Variants in SOX6 observed in about 807,000 individuals in gnomAD.
The protein encoded by SOX6 is transcription factor SOX-6.
In SOX6, 11 loss-of-function variants were observed where a neutral mutation model predicts 97.8. The ratio of observed to expected loss-of-function variants is 0.11; its 90% CI spans 0.07 to 0.19. The LOEUF (loss-of-function observed/expected upper bound fraction) is 0.19. SOX6 is among the 10% of genes least tolerant of loss of function. The pLI, the probability that SOX6 is intolerant of heterozygous loss-of-function variation, is 1.00. For missense variants in SOX6, 810 were observed against 1,039.5 expected (o/e 0.78, Z 3.04); for synonymous variants, 360 against 371.4 (o/e 0.97, Z 0.35).
intron 4 of SOX6, among the ~76,000 whole-genome samples, chr11:16,215,727 G>A (rs150751261): frequency 3.6e-3 from 546 of 152,116 alleles, no homozygotes; most frequent in Non-Finnish European, 5.5e-3. Flanking sequence ...AAATTTACAG[G>A]GGAAATTTGA....
chr11:16,615,091 C>T (rs1311034617), intron 3 of SOX6, among the ~76,000 whole-genome samples: 1 of 152,192 alleles, frequency 6.6e-6, no homozygotes. Context: ...ATCAAATTAA[C>T]ATTGGATAGC....
chr11:16,669,084 A>G (rs1343051606), intron 3 of SOX6, among the ~76,000 whole-genome samples: 1 of 152,234 alleles, frequency 6.6e-6, no homozygotes, highest in Non-Finnish European at 1.5e-5. Context: ...TGGTTGCAGA[A>G]AAATCATTCT....
At chr11:16,120,946 C>G (rs1195333836) in intron 6 of SOX6, among the ~76,000 whole-genome samples, 1 of 150,972 alleles carries the variant, frequency 6.6e-6, no homozygotes, top group Non-Finnish European at 1.5e-5. Context: ...GTCAACGGTA[C>G]ATGTTTTAAA....
chr11:16,289,898 T>TC (rs1854860593), intron 3 of SOX6, among the ~76,000 whole-genome samples: 2 of 152,044 alleles, frequency 1.3e-5, no homozygotes, highest in African/African-American at 4.8e-5. Context: ...AAAATGGACT[T>TC]CAAGTATTGC....
At chr11:16,257,636 C>G (rs2134208679) in intron 3 of SOX6, among the ~76,000 whole-genome samples, 1 of 151,880 alleles carries the variant, frequency 6.6e-6, no homozygotes, top group Admixed American at 6.6e-5. Context: ...CTTAGATGAT[C>G]TTAGGTATAG....
intron 15 of SOX6, among the ~76,000 whole-genome samples, chr11:15,982,947 T>A (rs1316956217): frequency 6.6e-6 from 1 of 151,986 alleles, no homozygotes; most frequent in Admixed American, 6.6e-5. Flanking sequence ...TGTACCCTAA[T>A]GAATATTCCC....
intron 9 of SOX6, among the ~76,000 whole-genome samples, chr11:16,084,975 G>T (rs1848547196): frequency 6.6e-6 from 1 of 152,152 alleles, no homozygotes; most frequent in Admixed American, 6.5e-5. Flanking sequence ...GAACGGAGAA[G>T]TGAAGAATTT....
chr11:16,066,825 A>T (rs1848104854), intron 9 of SOX6, among the ~76,000 whole-genome samples: 1 of 152,176 alleles, frequency 6.6e-6, no homozygotes, highest in Non-Finnish European at 1.5e-5. Context: ...GATAAGACCT[A>T]AGTTGATATC....
rs1848136788 is a variant in SOX6, at chr11:16,706,474, ATATATATATATATATATATATAT to A, written n.429+8333_429+8355del. Reference sequence around the variant, plus strand: ...CAAAAAAAAAAAAAAAAAAAAAAATATATATATATATATATATATATATATATATATATATATATATATATATA... The same window carrying A: ...CAAAAAAAAAAAAAAAAAAAAAAATAATATATATATATATATATATATATA... On this transcript the variant is annotated intron_variant and non_coding_transcript_variant, in intron 3 of 5. Transcript: ENST00000524520. Among the ~76,000 whole-genome samples, 11 of 13,782 alleles carry A rather than the reference ATATATATATATATATATATATAT, an allele frequency of 8.0e-4. 2 individuals carry two copies. Among genetic ancestry groups the A allele is most frequent in the South Asian group, 7.7e-3 (2 of 260 alleles). 9.0% of individuals were successfully genotyped at this position (13,782 alleles called of 152,430 possible). A position where few individuals can be genotyped will look rare whatever the true frequency, so the allele number is the denominator to read the frequency against.
At chr11:16,044,874 A>G (rs985481245) in intron 12 of SOX6, among the ~76,000 whole-genome samples, 2 of 152,038 alleles carry the variant, frequency 1.3e-5, no homozygotes, top group African/African-American at 4.8e-5. Context: ...CATTGAAACA[A>G]TTTTGCAGCT....
At chr11:16,455,534 A>G (rs1859796596) in intron 1 of SOX6, among the ~76,000 whole-genome samples, 1 of 152,134 alleles carries the variant, frequency 6.6e-6, no homozygotes, top group African/African-American at 2.4e-5. Flanking sequence ...GCTTGAAAAT[A>G]ACTCCTTTGC....
At chr11:16,431,568 A>T (rs912427961) in intron 1 of SOX6, among the ~76,000 whole-genome samples, 1 of 152,202 alleles carries the variant, frequency 6.6e-6, no homozygotes, top group South Asian at 2.1e-4. Flanking sequence ...AAACAAAAAC[A>T]AATTAAAATA....
At chr11:16,584,263 C>T (rs1848068099) in intron 4 of SOX6, among the ~76,000 whole-genome samples, 1 of 152,160 alleles carries the variant, frequency 6.6e-6, no homozygotes, top group Non-Finnish European at 1.5e-5. Flanking sequence ...AAAAAGGGAA[C>T]TGGAACACCC....
chr11:16,253,064 C>G (rs1853564885), intron 3 of SOX6, among the ~76,000 whole-genome samples: 1 of 152,080 alleles, frequency 6.6e-6, no homozygotes, highest in East Asian at 1.9e-4. Context: ...AGAAACTGGA[C>G]AGGCTGGGCA....
At chr11:16,132,193 C>T (rs1291771809) in intron 6 of SOX6, among the ~76,000 whole-genome samples, 1 of 142,810 alleles carries the variant, frequency 7.0e-6, no homozygotes, top group Non-Finnish European at 1.5e-5. Context: ...ATATCTACAG[C>T]CTATAATTTC....
chr11:16,706,378 G>A (rs1318513981), intron 3 of SOX6, among the ~76,000 whole-genome samples: 15 of 143,652 alleles, frequency 1.0e-4, no homozygotes, highest in African/African-American at 3.9e-4. Flanking sequence ...AGCCTGGGAG[G>A]TCAAGGCTGT....
intron 6 of SOX6, among the ~76,000 whole-genome samples, chr11:16,148,832 A>G (rs1850384354): frequency 6.6e-6 from 1 of 152,002 alleles, no homozygotes; most frequent in Non-Finnish European, 1.5e-5. Flanking sequence ...TCCTCAATTA[A>G]TTGCCCTTCC....
intron 1 of SOX6, among the ~76,000 whole-genome samples, chr11:16,471,134 C>A (rs1007615194): frequency 1.4e-5 from 2 of 147,568 alleles, no homozygotes; most frequent in Non-Finnish European, 3.0e-5. Context: ...TAAAATTAAA[C>A]GGTCAGAATT....
At chr11:16,669,080 C>T (rs991065158) in intron 3 of SOX6, among the ~76,000 whole-genome samples, 5 of 152,052 alleles carry the variant, frequency 3.3e-5, no homozygotes, top group Non-Finnish European at 5.9e-5. Flanking sequence ...CTAATGGTTG[C>T]AGAAAAATCA....
Sources: allele counts gnomAD v4.1 joint callset (sites outside exome capture counted in the v4.1 genomes callset), GRCh38; gene constraint gnomAD v4.1.1; transcripts MANE v1.5; gene names NCBI Gene and HGNC (gene_info 2026-07-23, HGNC 2026-07-21).